Variants in TECPR2 observed in about 807,000 individuals in gnomAD.
TECPR2 encodes tectonin beta-propeller repeat-containing protein 2.
Under a neutral mutation model 138.1 loss-of-function variants are expected in TECPR2, and 65 were observed. The observed-to-expected ratio is 0.47, with a 90% CI of 0.39 to 0.58. The LOEUF (loss-of-function observed/expected upper bound fraction) is 0.58. Ranked by LOEUF, TECPR2 falls within the 20% of genes least tolerant of loss-of-function variation. TECPR2 has a pLI of 0.00. For missense variants in TECPR2, 1,553 were observed against 1,824.5 expected, an observed-to-expected ratio of 0.85 and a Z score of 2.71; for synonymous variants, 746 against 749.8, an observed-to-expected ratio of 0.99 and a Z score of 0.08.
At position 102,432,068 on chromosome 14, in the gene TECPR2, G is replaced by T; in HGVS notation, c.1357G>T (p.Asp453Tyr). ...RFNAISSEDF[D>Y]QELVVKPIKV... The stretch of plus-strand genomic sequence containing the variant: ...CAACGCCATCAGCTCAGAGGACTTT[G>T]ACCAGGAGCTTGTCGTGAAGCCTAT... Residue 453 changes from aspartate (D) to tyrosine (Y), a missense_variant, in exon 8 of 20, where the codon GAC (aspartate) becomes TAC (tyrosine). Transcript: ENST00000359520. 3 of 1,611,302 alleles carry T rather than the reference G, an allele frequency of 1.9e-6. No individual in the cohort carries two copies. In the South Asian group the frequency reaches 3.3e-5, roughly 18 times the overall value.
At chr14:102,432,935 C>T (rs1298888651) in intron 8 of TECPR2, among the ~76,000 whole-genome samples, 1 of 147,064 alleles carries the variant, frequency 6.8e-6, no homozygotes, top group Non-Finnish European at 1.5e-5. Flanking sequence ...ACCTGGGAGG[C>T]AGAGGATGCA....
At chr14:102,373,622 A>T (rs1430697851) in intron 1 of TECPR2, among the ~76,000 whole-genome samples, 1 of 152,194 alleles carries the variant, frequency 6.6e-6, no homozygotes, top group Admixed American at 6.5e-5. Flanking sequence ...ATCTGTAAAA[A>T]CATTAGCTAT....
intron 19 of TECPR2, 43 bp from the exon 20 acceptor site, chr14:102,498,060 G>A: frequency 6.3e-7 from 1 of 1,598,132 alleles, no homozygotes; most frequent in Non-Finnish European, 8.5e-7. Context: ...CACCCCACAG[G>A]CTGTGTGATT....
chr14:102,373,459 G>C (rs928727410), intron 1 of TECPR2, among the ~76,000 whole-genome samples: 3 of 152,172 alleles, frequency 2.0e-5, no homozygotes, highest in African/African-American at 7.2e-5. Context: ...ATTTTGCCCA[G>C]CTGTAGGCTA....
chr14:102,369,798 AAAAC>A (rs1284449350), intron 1 of TECPR2, among the ~76,000 whole-genome samples: 2 of 152,042 alleles, frequency 1.3e-5, no homozygotes, highest in South Asian at 2.1e-4. Flanking sequence ...AAAAAACAAA[AAAAC>A]AAAAAATTAG....
intron 17 of TECPR2, among the ~76,000 whole-genome samples, chr14:102,483,946 G>A (rs71213564): frequency 0.38 from 33,930 of 90,136 alleles, 7,773 homozygotes; most frequent in African/African-American, 0.59. Flanking sequence ...ATAGGCACCT[G>A]CCACCATGCC....
chr14:102,411,386 G>T (rs1343073573), intron 4 of TECPR2, among the ~76,000 whole-genome samples: 4 of 152,236 alleles, frequency 2.6e-5, no homozygotes, highest in Admixed American at 1.3e-4. Context: ...AATCACAAAA[G>T]AAGTGAATAT....
rs1595139473 is a variant in TECPR2, at chr14:102,463,964, T to G, written c.3641-1177T>G. 5.9e-5 allele frequency among the ~76,000 whole-genome samples: 9 copies of G among 152,218 alleles called. No homozygotes were observed. The South Asian group carries it at 1.9e-3, about 32-fold the overall frequency. Reference sequence around the variant, plus strand: ...AAAAAACAAAAACAAACAATTCAACTTAGCCCTGAAGATCTGTGCATTGTG... The same window carrying G: ...AAAAAACAAAAACAAACAATTCAACGTAGCCCTGAAGATCTGTGCATTGTG... On this transcript the variant is annotated intron_variant, in intron 16 of 19. Transcript: ENST00000359520.
At chr14:102,496,317 G>A (rs1050027980) in intron 17 of TECPR2, among the ~76,000 whole-genome samples, 7 of 152,218 alleles carry the variant, frequency 4.6e-5, no homozygotes, top group African/African-American at 1.4e-4. Flanking sequence ...TGGAGGCCTG[G>A]TCCAACTGAG....
chr14:102,498,262 G>C lies in TECPR2; in HGVS notation c.*5G>C. 6.3e-7 allele frequency: 1 copy of C among 1,598,780 alleles called. No individual in the cohort carries two copies. The highest frequency in any genetic ancestry group is 8.5e-7 in the Non-Finnish European group (1 of 1,179,244). On this transcript the variant is annotated 3_prime_UTR_variant, in exon 20 of 20. Transcript: ENST00000359520. The stretch of plus-strand genomic sequence containing the variant: ...GACGAGTGGGAGGTCATCTGAAGGA[G>C]CCCTGGCCGAGTCACGCGGAGGGGC...
intron 2 of TECPR2, among the ~76,000 whole-genome samples, chr14:102,400,273 G>A (rs561865852): frequency 8.5e-5 from 13 of 152,166 alleles, no homozygotes; most frequent in Non-Finnish European, 1.6e-4. Flanking sequence ...GTTAAACTCC[G>A]ACCTCAGTTG....
intron 8 of TECPR2, among the ~76,000 whole-genome samples, 170 bp downstream of exon 8, chr14:102,432,298 T>TACACACACACACACACACACACACAC (rs10650505): frequency 1.3e-3 from 198 of 148,884 alleles, no homozygotes; most frequent in African/African-American, 4.1e-3. Flanking sequence ...TAACGGAAAA[T>TACACACACACACACACACACACACAC]ACACACACAC....
rs200883283 is a variant in TECPR2 at position 102,498,289 on chromosome 14, C to T, written c.*32C>T. On this transcript the variant is annotated 3_prime_UTR_variant, in exon 20 of 20. Transcript: ENST00000359520. The stretch of plus-strand genomic sequence containing the variant: ...CCTGGCCGAGTCACGCGGAGGGGCC[C>T]GGCGTCTGTGGCGGGCACAGGGGCT... The T allele has an allele frequency of 2.9e-4, 460 of 1,582,822 alleles. No homozygotes were observed. The highest frequency in any genetic ancestry group is 1.4e-3 in the African/African-American group (101 of 74,704).
At chr14:102,450,735 T>C (rs1890118415) in intron 15 of TECPR2, 86 bp downstream of exon 15, 1 of 1,372,448 alleles carries the variant, frequency 7.3e-7, no homozygotes, top group African/African-American at 1.4e-5. Context: ...TGTGGCCTTG[T>C]TGGTTATGGG....
chr14:102,483,364 GT>G (rs1890938000), intron 17 of TECPR2, among the ~76,000 whole-genome samples: 1 of 151,890 alleles, frequency 6.6e-6, no homozygotes, highest in African/African-American at 2.4e-5. Context: ...CGCCTCTCTT[GT>G]TTTCCTTTTT....
Position 102,445,878 on chromosome 14 carries a change from T to G in TECPR2, c.3006T>G (p.His1002Gln). 6.2e-7 allele frequency: 1 copy of G among 1,613,924 alleles called. No homozygotes were observed. The highest frequency in any genetic ancestry group is 1.1e-5 in the South Asian group (1 of 91,068). ...AGACTCTCTGGGCCCTGGACATCCA[T>G]GGGAACCTGTGGTTCAGAACTGGCA... Reference protein sequence around the residue: ...DQQTLWALDIHGNLWFRTGII... With the variant: ...DQQTLWALDIQGNLWFRTGII... The change falls in exon 13 of 20, where the codon CAT becomes CAG. Residue 1002 changes from histidine to glutamine, a missense_variant. Physicochemically the swap from His to Gln is conservative, Grantham distance 24. Coordinates refer to ENST00000359520, the MANE Select transcript of TECPR2 (RefSeq NM_014844.5).
chr14:102,432,321 A>T (rs1391342153), intron 8 of TECPR2, among the ~76,000 whole-genome samples, 193 bp downstream of exon 8: 1 of 151,818 alleles, frequency 6.6e-6, no homozygotes, highest in Non-Finnish European at 1.5e-5. Flanking sequence ...ACACACACAC[A>T]CTGTAAGGTC....
chr14:102,463,682 G>T (rs1258654808), intron 16 of TECPR2, among the ~76,000 whole-genome samples: 3 of 152,008 alleles, frequency 2.0e-5, no homozygotes, highest in Non-Finnish European at 4.4e-5. Flanking sequence ...CCAGCACTTC[G>T]GGAGGCTGAG....
intron 17 of TECPR2, among the ~76,000 whole-genome samples, chr14:102,476,335 G>A (rs1890761642): frequency 6.7e-6 from 1 of 148,762 alleles, no homozygotes; most frequent in Non-Finnish European, 1.5e-5. Context: ...AGTTCAAGAT[G>A]AGCCTGGGCA....
Sources: gnomAD v4.1 joint callset for allele counts (sites outside exome capture counted in the v4.1 genomes callset) on GRCh38, gnomAD v4.1.1 for gene constraint, MANE v1.5 for transcripts, NCBI Gene and HGNC (gene_info 2026-07-23, HGNC 2026-07-21) for gene names.